The following SYN2 variants were observed in gnomAD, a reference collection of about 807,000 sequenced individuals.
SYN2 encodes synapsin-2.
SYN2 carries 19 observed loss-of-function variants against 50.9 expected under a neutral mutation model. That is an observed-to-expected ratio of 0.37 (90% CI 0.26 to 0.55). The LOEUF is 0.55. Among genes scored for constraint, SYN2 ranks in the 20% least tolerant of loss-of-function variants. The pLI is 0.81. For missense variants in SYN2, 587 were observed against 576.4 expected (o/e 1.02, Z -0.19); for synonymous variants, 255 against 224.9 (o/e 1.13, Z -1.20).
At chr3:12,037,623 T>C (rs1173199245) in intron 1 of SYN2, among the ~76,000 whole-genome samples, 1 of 151,212 alleles carries the variant, frequency 6.6e-6, no homozygotes, top group Non-Finnish European at 1.5e-5. Context: ...TGGAAGGGGG[T>C]TGAACTCATC....
intron 1 of SYN2, among the ~76,000 whole-genome samples, chr3:12,036,370 C>T (rs1559394208): frequency 6.6e-6 from 1 of 152,174 alleles, no homozygotes. Flanking sequence ...GAGGAGATTG[C>T]CATGGCTCCA....
intron 4 of SYN2, among the ~76,000 whole-genome samples, chr3:12,146,816 C>G (rs989554107): frequency 2.0e-5 from 3 of 152,102 alleles, no homozygotes; most frequent in Non-Finnish European, 4.4e-5. Flanking sequence ...CTGAGGGGAC[C>G]CAGCTCCTCT....
intron 1 of SYN2, among the ~76,000 whole-genome samples, chr3:12,038,371 G>T (rs1694545938): frequency 6.6e-6 from 1 of 151,948 alleles, no homozygotes; most frequent in South Asian, 2.1e-4. Flanking sequence ...TAACTTTGTT[G>T]TTTTTTAAAA....
At chr3:12,139,272 G>A (rs1000932838) in intron 1 of SYN2, among the ~76,000 whole-genome samples, 2 of 152,182 alleles carry the variant, frequency 1.3e-5, no homozygotes, top group South Asian at 2.1e-4. Flanking sequence ...AGGAACCAGG[G>A]TAGGAAGTAT....
rs547074504 is a variant in SYN2, at chr3:12,136,078, A to G, written c.378-4573A>G. On this transcript the variant is annotated intron_variant, in intron 1 of 12. Transcript: ENST00000621198. Reference sequence around the variant, plus strand: ...TGATTATTAGACAACCGACTTTGAAAGGTGGTATCAGATGATGATGCTGTG... The same window carrying G: ...TGATTATTAGACAACCGACTTTGAAGGGTGGTATCAGATGATGATGCTGTG... Among the ~76,000 whole-genome samples, 152 of 152,322 alleles carry G rather than the reference A, an allele frequency of 1.0e-3. 1 individual carries two copies. The highest frequency in any genetic ancestry group is 6.6e-3 in the South Asian group (32 of 4,820).
chr3:12,082,154 A>G (rs1220654933), intron 1 of SYN2, among the ~76,000 whole-genome samples: 9 of 152,212 alleles, frequency 5.9e-5, no homozygotes, highest in Non-Finnish European at 2.9e-5. Flanking sequence ...GAGGAAATCA[A>G]ACATGAGCTT....
chr3:12,084,259 A>G (rs1695642614), intron 1 of SYN2, among the ~76,000 whole-genome samples: 2 of 152,148 alleles, frequency 1.3e-5, no homozygotes, highest in Non-Finnish European at 2.9e-5. Flanking sequence ...GGAGCCCTTC[A>G]AAATAATAGA....
chr3:12,166,266 A>ACTCTTCT (rs1697793110), intron 7 of SYN2, among the ~76,000 whole-genome samples: 1 of 151,958 alleles, frequency 6.6e-6, no homozygotes, highest in Non-Finnish European at 1.5e-5. Context: ...TGTAAGCAGG[A>ACTCTTCT]CTCTTCTGTC....
chr3:12,060,046 A>T (rs1394365273), intron 1 of SYN2, among the ~76,000 whole-genome samples: 3 of 152,228 alleles, frequency 2.0e-5, no homozygotes, highest in Non-Finnish European at 4.4e-5. Flanking sequence ...ATGGAAAGAC[A>T]AGCCAATCTA....
At chr3:12,062,998 A>G (rs1267014622) in intron 1 of SYN2, among the ~76,000 whole-genome samples, 3 of 152,028 alleles carry the variant, frequency 2.0e-5, no homozygotes, top group African/African-American at 4.8e-5. Flanking sequence ...TACAGGCTAC[A>G]TGAGTCCAAT....
intron 1 of SYN2, among the ~76,000 whole-genome samples, chr3:12,102,736 G>A (rs1218743606): frequency 6.6e-6 from 1 of 152,072 alleles, no homozygotes; most frequent in East Asian, 1.9e-4. Context: ...ACTGAGAGTT[G>A]TTTTCTTTGA....
At chr3:12,077,741 T>A (rs772537588) in intron 1 of SYN2, among the ~76,000 whole-genome samples, 3 of 152,242 alleles carry the variant, frequency 2.0e-5, no homozygotes, top group Non-Finnish European at 4.4e-5. Flanking sequence ...TTGGGTTGAT[T>A]TCATGTCTTT....
At chr3:12,038,610 A>G (rs760518706) in intron 1 of SYN2, among the ~76,000 whole-genome samples, 1 of 152,130 alleles carries the variant, frequency 6.6e-6, no homozygotes, top group South Asian at 2.1e-4. Flanking sequence ...TTTTTAGTCT[A>G]TAAGTCTTGT....
chr3:12,157,408 G>A (rs750080317), intron 5 of SYN2: 10 of 1,613,998 alleles, frequency 6.2e-6, no homozygotes, highest in Middle Eastern at 1.6e-4. Context: ...ATTTCATACC[G>A]GAGCATTTTT....
chr3:12,044,179 TCTCACACA>T (rs1024266767), intron 1 of SYN2, among the ~76,000 whole-genome samples: 1 of 60,900 alleles, frequency 1.6e-5, no homozygotes, highest in African/African-American at 3.9e-5. Flanking sequence ...TCTCTCTCTC[TCTCACACA>T]CACACACACA....
chr3:12,050,660 G>GTTTGTAGAC (rs1380872740), intron 1 of SYN2, among the ~76,000 whole-genome samples: 1 of 124,092 alleles, frequency 8.1e-6, no homozygotes. Context: ...GATTTTTTAG[G>GTTTGTAGAC]TTTGTAGACT....
At chr3:12,186,999 T>C (rs1185367633) in intron 11 of SYN2, among the ~76,000 whole-genome samples, 2 of 152,190 alleles carry the variant, frequency 1.3e-5, no homozygotes, top group African/African-American at 4.8e-5. Flanking sequence ...AACTTGAGAC[T>C]TCCCAATAAA....
chr3:12,094,113 C>T (rs931031234), intron 1 of SYN2, among the ~76,000 whole-genome samples: 8 of 152,144 alleles, frequency 5.3e-5, no homozygotes, highest in African/African-American at 1.9e-4. Flanking sequence ...CCTCAATCTC[C>T]CAAAGTGCTA....
chr3:12,064,412 T>G (rs1695168935), intron 1 of SYN2, among the ~76,000 whole-genome samples: 1 of 151,902 alleles, frequency 6.6e-6, no homozygotes, highest in African/African-American at 2.4e-5. Flanking sequence ...TCATCAAAAT[T>G]TAAAACTTGT....
Sources: allele counts gnomAD v4.1 joint callset (sites outside exome capture counted in the v4.1 genomes callset), GRCh38; gene constraint gnomAD v4.1.1; transcripts MANE v1.5; gene names NCBI Gene and HGNC (gene_info 2026-07-23, HGNC 2026-07-21).